The following ITGB6 variants were observed in gnomAD, a reference collection of about 807,000 sequenced individuals.
ITGB6 encodes the protein integrin subunit beta 6, also known as integrin beta-6.
Under a neutral mutation model 84.5 loss-of-function variants are expected in ITGB6, and 80 were observed. That is an observed-to-expected ratio of 0.95 (90% CI 0.79 to 1.14). The LOEUF (loss-of-function observed/expected upper bound fraction) is 1.14. Ranked by LOEUF, ITGB6 falls within the 50% of genes most tolerant of loss-of-function variation. The pLI, the probability that ITGB6 is intolerant of heterozygous loss-of-function variation, is 0.00. For missense variants in ITGB6, 1,006 were observed against 968.0 expected (o/e 1.04, Z -0.52); for synonymous variants, 383 against 354.9 (o/e 1.08, Z -0.89).
rs567457869 is a variant in ITGB6, at chr2:160,115,749, A to T, written c.1982-3550T>A. Among the ~76,000 whole-genome samples, 120 of 152,354 alleles carry T rather than the reference A, an allele frequency of 7.9e-4. 1 individual carries two copies. Among genetic ancestry groups the T allele is most frequent in the African/African-American group, 2.8e-3 (115 of 41,580 alleles). On this transcript the variant is annotated intron_variant, in intron 12 of 14. Transcript: ENST00000283249. ...AGGAAATTCAAATCAATGGCAAAGA[A>T]GTTAAAAACTGTGAAAAAAAATTAG...
Position 160,120,120 on chromosome 2 carries a change from G to T in ITGB6, c.1981+3671C>A, listed in dbSNP as rs761153614. Among the ~76,000 whole-genome samples the T allele has an allele frequency of 8.6e-4, 131 of 151,826 alleles. 2 individuals are homozygous for T. The Middle Eastern group carries it at 0.02, about 24-fold the overall frequency. On this transcript the variant is annotated intron_variant, in intron 12 of 14. Coordinates refer to ENST00000283249, the MANE Select transcript of ITGB6 (RefSeq NM_000888.5). ...GGAAGTCAGTGTGGCGATTCCTCAGGGATCTAGAACTAGAAATACTATTTG... is the reference window on the plus strand; with the variant it reads ...GGAAGTCAGTGTGGCGATTCCTCAGTGATCTAGAACTAGAAATACTATTTG...
intron 12 of ITGB6, among the ~76,000 whole-genome samples, chr2:160,117,360 T>A (rs1682828446): frequency 6.6e-6 from 1 of 151,258 alleles, no homozygotes; most frequent in East Asian, 1.9e-4. Flanking sequence ...ATTAAGAAAC[T>A]CACTCAAAAC....
chr2:160,107,624 C>T, intron 14 of ITGB6, 55 bp downstream of exon 14: 9 of 1,546,966 alleles, frequency 5.8e-6, no homozygotes, highest in Non-Finnish European at 8.0e-6. Context: ...CCCTCAATCT[C>T]TTCCACCAGC....
intron 12 of ITGB6, among the ~76,000 whole-genome samples, chr2:160,116,286 G>C (rs187721023): frequency 6.6e-6 from 1 of 151,894 alleles, no homozygotes; most frequent in African/African-American, 2.4e-5. Flanking sequence ...CCCACAAAGG[G>C]AAGCCCATCA....
intron 1 of ITGB6, among the ~76,000 whole-genome samples, chr2:160,199,597 C>T: frequency 6.6e-6 from 1 of 152,088 alleles, no homozygotes; most frequent in Non-Finnish European, 1.5e-5. Flanking sequence ...TACTTGCAAC[C>T]ATTAAAAAAT....
intron 8 of ITGB6, 52 bp downstream of exon 8, chr2:160,141,930 T>G: frequency 8.6e-7 from 1 of 1,169,160 alleles, no homozygotes; most frequent in Non-Finnish European, 1.3e-6. Context: ...CACATCTTAG[T>G]TTTTGAATAC....
At chr2:160,149,195 A>G (rs2105835350) in intron 7 of ITGB6, among the ~76,000 whole-genome samples, 1 of 152,348 alleles carries the variant, frequency 6.6e-6, no homozygotes, top group East Asian at 1.9e-4. Context: ...ACCTCCCAGT[A>G]GGGGCCGACA....
chr2:160,189,565 AAAG>A (rs1686052607), intron 4 of ITGB6, among the ~76,000 whole-genome samples: 2 of 152,276 alleles, frequency 1.3e-5, no homozygotes, highest in Non-Finnish European at 2.9e-5. Flanking sequence ...ACACTTGTCA[AAAG>A]AAGACATTTA....
At chr2:160,121,737 C>T (rs1307928480) in intron 12 of ITGB6, among the ~76,000 whole-genome samples, 1 of 148,470 alleles carries the variant, frequency 6.7e-6, no homozygotes, top group East Asian at 2.0e-4. Context: ...CACTACACTC[C>T]AGCCGGGGAG....
intron 7 of ITGB6, among the ~76,000 whole-genome samples, chr2:160,163,328 T>C (rs1319392871): frequency 6.6e-6 from 1 of 152,222 alleles, no homozygotes; most frequent in Non-Finnish European, 1.5e-5. Context: ...TTGAATTCTA[T>C]GCTTTTTAAA....
intron 7 of ITGB6, among the ~76,000 whole-genome samples, chr2:160,146,827 T>C (rs1684213261): frequency 6.6e-6 from 1 of 151,952 alleles, no homozygotes; most frequent in African/African-American, 2.4e-5. Context: ...TAAGGTAGGC[T>C]CAGTGGCTCA....
chr2:160,137,189 A>G (rs937865855), intron 10 of ITGB6, among the ~76,000 whole-genome samples: 2 of 152,220 alleles, frequency 1.3e-5, no homozygotes, highest in Non-Finnish European at 2.9e-5. Context: ...AGGCACTTGT[A>G]TCTTTCATCT....
In ITGB6 at chr2:160,123,797, C is replaced by T. The variant is rs751938984; in HGVS notation, c.1975G>A (p.Glu659Lys). The change falls in exon 12 of 15, where the codon GAA (glutamate) becomes AAA (lysine). Residue 659 changes from glutamate (E) to lysine (K), a missense_variant. By Grantham distance (56) the Glu-to-Lys change is moderately conservative. Coordinates refer to ENST00000283249, the MANE Select transcript of ITGB6 (RefSeq NM_000888.5). Reference sequence around the variant, plus strand: ...AATTTAAGACAAGCAGAACCTTCTTCTTCACTGATGGTCGCACCAGCTAGT... The same window carrying T: ...AATTTAAGACAAGCAGAACCTTCTTTTTCACTGATGGTCGCACCAGCTAGT... ...CKLAGATISE[E>K]EDFSKDGSVS... 3 of 1,612,968 alleles carry T rather than the reference C, an allele frequency of 1.9e-6. No homozygotes were observed. In the East Asian group the frequency reaches 6.7e-5, roughly 36 times the overall value.
intron 13 of ITGB6, among the ~76,000 whole-genome samples, chr2:160,111,443 T>C (rs1234190921): frequency 6.6e-6 from 1 of 152,106 alleles, no homozygotes; most frequent in East Asian, 1.9e-4. Flanking sequence ...ACAAGACTCA[T>C]TTTATGTATG....
chr2:160,134,606 A>G (rs1043667335), intron 10 of ITGB6, among the ~76,000 whole-genome samples: 17 of 152,344 alleles, frequency 1.1e-4, no homozygotes, highest in Non-Finnish European at 2.2e-4. Flanking sequence ...CAACTAAAAA[A>G]GAGAATTTTA....
rs777800965 is a variant in ITGB6, at chr2:160,101,818, T to C, written c.2285A>G (p.Tyr762Cys). The part of the protein sequence containing the change: ...AKWQTGTNPL[Y>C]RGSTSTFKNV... ...TTTAAAAGTACTTGTGGATCCTCTG[T>C]AGAGTGGATTGGTTCCCTGGAAAAA... is the stretch of plus-strand genomic sequence containing the variant. Residue 762 changes from tyrosine to cysteine, a missense_variant, in exon 15 of 15, where the codon TAC becomes TGC. Tyr to Cys is a radical substitution (Grantham distance 194). Coordinates refer to ENST00000283249, the MANE Select transcript of ITGB6 (RefSeq NM_000888.5). The C allele has an allele frequency of 6.4e-7, 1 of 1,563,030 alleles. No homozygotes were observed. Among genetic ancestry groups the C allele is most frequent in the Non-Finnish European group, 8.7e-7 (1 of 1,148,520 alleles).
chr2:160,193,023 G>T (rs1686201158), intron 4 of ITGB6, among the ~76,000 whole-genome samples: 1 of 152,120 alleles, frequency 6.6e-6, no homozygotes, highest in Non-Finnish European at 1.5e-5. Flanking sequence ...CTGGAACCCT[G>T]TCACACTACT....
chr2:160,132,450 T>C (rs2105809806), intron 10 of ITGB6, among the ~76,000 whole-genome samples: 1 of 152,310 alleles, frequency 6.6e-6, no homozygotes, highest in Non-Finnish European at 1.5e-5. Context: ...ATTTCTTTGA[T>C]GCTTCTTTCT....
intron 4 of ITGB6, among the ~76,000 whole-genome samples, chr2:160,181,702 T>C (rs1375619588): frequency 1.3e-5 from 2 of 152,188 alleles, no homozygotes; most frequent in African/African-American, 4.8e-5. Flanking sequence ...GGGAGACACA[T>C]CCCAGCAGGG....
Sources: gnomAD v4.1 joint callset for allele counts (sites outside exome capture counted in the v4.1 genomes callset) on GRCh38, gnomAD v4.1.1 for gene constraint, MANE v1.5 for transcripts, NCBI Gene and HGNC (gene_info 2026-07-23, HGNC 2026-07-21) for gene names.